The following GLIS1 variants were observed in gnomAD, a reference collection of about 807,000 sequenced individuals.
GLIS1 encodes zinc finger protein GLIS1.
A neutral mutation model predicts 63.8 loss-of-function variants in GLIS1; 24 were observed. The ratio of observed to expected loss-of-function variants is 0.38; its 90% CI spans 0.27 to 0.53. GLIS1 has a LOEUF of 0.53. GLIS1 is among the 20% of genes least tolerant of loss of function. GLIS1 has a pLI of 0.85. For missense variants in GLIS1, 1,036 were observed against 1,074.1 expected (o/e 0.96, Z 0.50); for synonymous variants, 450 against 482.5 (o/e 0.93, Z 0.88).
intron 2 of GLIS1, among the ~76,000 whole-genome samples, chr1:53,622,237 G>A (rs1405711208): frequency 1.3e-5 from 2 of 151,290 alleles, no homozygotes; most frequent in African/African-American, 4.9e-5. Flanking sequence ...AGACCAGCCT[G>A]GCCAACATGG....
At chr1:53,641,968 G>A (rs908157646) in intron 2 of GLIS1, among the ~76,000 whole-genome samples, 4 of 152,288 alleles carry the variant, frequency 2.6e-5, no homozygotes, top group South Asian at 4.1e-4. Context: ...GGCTGACCCC[G>A]AAGCTCTCCC....
intron 2 of GLIS1, among the ~76,000 whole-genome samples, chr1:53,614,221 A>G (rs760151212): frequency 6.6e-5 from 10 of 152,252 alleles, no homozygotes; most frequent in Non-Finnish European, 1.0e-4. Flanking sequence ...AAAGTACACA[A>G]ATAAATATAT....
Position 53,520,666 on chromosome 1 carries a change from C to G in GLIS1, c.1694G>C (p.Gly565Ala). The G allele has an allele frequency of 6.2e-7, 1 of 1,610,986 alleles. No individual in the cohort carries two copies. Among genetic ancestry groups the G allele is most frequent in the African/African-American group, 1.3e-5 (1 of 75,036 alleles). The change falls in exon 7 of 11, where the codon GGT (glycine) becomes GCT (alanine). Residue 565 changes from glycine to alanine, a missense_variant. Gly to Ala is a moderately conservative substitution (Grantham distance 60). Around this residue, in one of 3 missense-constraint regions of GLIS1, gnomAD observed 400 missense variants for 400.9 expected, o/e 1.00. Transcript: ENST00000628545. ...CAGCTCCTGGCCCAGGCCACAGCCACCCTTGCCGTCGCTGGCAGCCAGCTG... is the reference window on the plus strand; with the variant it reads ...CAGCTCCTGGCCCAGGCCACAGCCAGCCTTGCCGTCGCTGGCAGCCAGCTG... Reference protein sequence around the residue: ...STQLAASDGKGGCGLGQELLP... With the variant: ...STQLAASDGKAGCGLGQELLP...
intron 2 of GLIS1, among the ~76,000 whole-genome samples, chr1:53,613,675 G>C (rs562299440): frequency 1.7e-3 from 263 of 151,236 alleles, no homozygotes; most frequent in Non-Finnish European, 2.7e-3. Flanking sequence ...GTTAATGTGT[G>C]GGAAAAAATG....
intron 2 of GLIS1, among the ~76,000 whole-genome samples, chr1:53,617,246 C>T (rs962969645): frequency 8.6e-5 from 9 of 104,882 alleles, no homozygotes; most frequent in Non-Finnish European, 2.0e-4. Context: ...TGGGGAGCAG[C>T]CAGGGATGGC....
chr1:53,643,777 G>A (rs755920423), intron 2 of GLIS1, among the ~76,000 whole-genome samples: 13 of 152,156 alleles, frequency 8.5e-5, no homozygotes, highest in Non-Finnish European at 1.8e-4. Flanking sequence ...CAGCACCCCC[G>A]GGGTCTCCTA....
intron 4 of GLIS1, among the ~76,000 whole-genome samples, chr1:53,541,936 T>C (rs1399723070): frequency 6.6e-6 from 1 of 152,102 alleles, no homozygotes. Flanking sequence ...AATCCACAGC[T>C]CCTCCTGTGG....
intron 2 of GLIS1, among the ~76,000 whole-genome samples, chr1:53,651,529 C>T (rs2037740): frequency 0.021 from 3,214 of 152,256 alleles, 107 homozygotes; most frequent in African/African-American, 0.072. Context: ...GGGGCGACTG[C>T]CTCTTGGGTG....
intron 8 of GLIS1, among the ~76,000 whole-genome samples, chr1:53,512,896 G>A (rs1644312076): frequency 6.6e-6 from 1 of 152,030 alleles, no homozygotes; most frequent in Non-Finnish European, 1.5e-5. Context: ...GCAGCTATGG[G>A]TGGGGGCGGG....
chr1:53,515,372 G>C (rs921637587), intron 7 of GLIS1, among the ~76,000 whole-genome samples: 12 of 152,010 alleles, frequency 7.9e-5, no homozygotes, highest in Non-Finnish European at 1.6e-4. Context: ...GGTGTCCACT[G>C]TGAAGGCTTC....
At chr1:53,698,532 C>T (rs1354060243) in intron 2 of GLIS1, among the ~76,000 whole-genome samples, 1 of 152,266 alleles carries the variant, frequency 6.6e-6, no homozygotes, top group African/African-American at 2.4e-5. Context: ...GCACGCGCCA[C>T]TGCTTGTGGG....
intron 2 of GLIS1, among the ~76,000 whole-genome samples, chr1:53,663,859 A>G (rs79367069): frequency 0.011 from 1,675 of 152,264 alleles, 27 homozygotes; most frequent in African/African-American, 0.039. Context: ...GCCAGGATTT[A>G]TGGGATTTAT....
chr1:53,673,148 G>C (rs540065753), intron 2 of GLIS1, among the ~76,000 whole-genome samples: 13 of 152,128 alleles, frequency 8.5e-5, no homozygotes, highest in Non-Finnish European at 1.8e-4. Context: ...TTCATTTCCC[G>C]AGCCCACACT....
intron 2 of GLIS1, among the ~76,000 whole-genome samples, chr1:53,723,120 G>GA (rs938393083): frequency 1.3e-5 from 2 of 151,616 alleles, no homozygotes; most frequent in African/African-American, 2.4e-5. Context: ...GTGACAGAGT[G>GA]AGACTCTGTC....
chr1:53,594,938 G>C lies in GLIS1; in HGVS notation c.490C>G (p.His164Asp). The C allele has an allele frequency of 6.7e-7, 1 of 1,484,378 alleles. No individual in the cohort carries two copies. Among genetic ancestry groups the C allele is most frequent in the South Asian group, 1.4e-5 (1 of 72,756 alleles). The allele number at this position is 1,484,378 out of a possible 1,614,324, so 92.0% of individuals were successfully genotyped here. Residue 164 changes from histidine to aspartate, a missense_variant, in exon 4 of 11, where the codon CAC becomes GAC. Physicochemically the swap from His to Asp is moderately conservative, Grantham distance 81. This residue lies in a region of GLIS1 where 592 missense variants were observed against 593.9 expected (regional missense o/e 1.00). Transcript: ENST00000628545. The part of the protein sequence containing the change: ...YVNGSLPTTQ[H>D]IKQESLPDYQ... ...TCGGGCAAGGACTCCTGTTTGATGT[G>C]TTGTGTGGTTGGGAGGCTGCCGTTC...
intron 4 of GLIS1, among the ~76,000 whole-genome samples, chr1:53,578,326 C>T (rs1417496025): frequency 1.3e-5 from 2 of 152,236 alleles, no homozygotes; most frequent in South Asian, 2.1e-4. Flanking sequence ...CAGCACCACA[C>T]AGACTAGGAC....
rs542462703 is a variant in GLIS1, at chr1:53,565,626, T to C, written c.1320+28482A>G. Among the ~76,000 whole-genome samples the C allele has an allele frequency of 3.9e-5, 6 of 152,090 alleles. No homozygotes were observed. The South Asian group carries it at 1.0e-3, about 26-fold the overall frequency. ...AATAAATTTGAAAGCATATACAAAA[T>C]GGACAAATTCCTTGGTAGGGGCAGG... On this transcript the variant is annotated intron_variant, in intron 4 of 10. Transcript: ENST00000628545.
At chr1:53,673,984 C>A (rs1293021910) in intron 2 of GLIS1, among the ~76,000 whole-genome samples, 5 of 152,002 alleles carry the variant, frequency 3.3e-5, no homozygotes, top group Non-Finnish European at 7.4e-5. Flanking sequence ...CCAGCCTGAC[C>A]AACATGGTGA....
At position 53,594,985 on chromosome 1, in the gene GLIS1, G is replaced by C. The variant is rs977641811; in HGVS notation, c.443C>G (p.Pro148Arg). The change falls in exon 4 of 11, where the codon CCT becomes CGT. Residue 148 changes from proline to arginine, a missense_variant. Transcript: ENST00000628545. ...GTTCACATACGTGGCCTGGGGTCTA[G>C]GTGACCTGGAAGACAGTGCCCAGAG... ...LLHFPHPDRS[P>R]RPQATYVNGS... 1 of 1,429,190 alleles carries C rather than the reference G, an allele frequency of 7.0e-7. No homozygotes were observed. Among genetic ancestry groups the C allele is most frequent in the Non-Finnish European group, 9.1e-7 (1 of 1,096,854 alleles). 88.5% of individuals were successfully genotyped at this position (1,429,190 alleles called of 1,614,324 possible). A position where few individuals can be genotyped will look rare whatever the true frequency, so the allele number is the denominator to read the frequency against.
Sources: allele counts gnomAD v4.1 joint callset (sites outside exome capture counted in the v4.1 genomes callset), GRCh38; gene constraint gnomAD v4.1.1; regional missense constraint gnomAD v4.1.1; transcripts MANE v1.5; gene names NCBI Gene and HGNC (gene_info 2026-07-23, HGNC 2026-07-21).